Variants in CARF observed in about 807,000 individuals in gnomAD.
CARF encodes calcium responsive transcription factor, also known as calcium-responsive transcription factor.
A neutral mutation model predicts 82.0 loss-of-function variants in CARF; 57 were observed. That is an observed-to-expected ratio of 0.70 (90% confidence interval 0.56 to 0.87). CARF has a LOEUF of 0.87. Among genes scored for constraint, CARF ranks in the 40% least tolerant of loss-of-function variants. The pLI, the probability that CARF is intolerant of heterozygous loss-of-function variation, is 0.00. For missense variants in CARF, 771 were observed against 855.8 expected (o/e 0.90, Z 1.24); for synonymous variants, 268 against 290.1 (o/e 0.92, Z 0.77).
chr2:202,964,900 TACAC>T (rs1553568430), intron 9 of CARF, among the ~76,000 whole-genome samples: 1 of 146,034 alleles, frequency 6.8e-6, no homozygotes, highest in Admixed American at 6.8e-5. Context: ...TATATATATA[TACAC>T]ACACACACAT....
chr2:202,955,179 A>G (rs1225675328), intron 7 of CARF, among the ~76,000 whole-genome samples: 1 of 152,198 alleles, frequency 6.6e-6, no homozygotes, highest in East Asian at 1.9e-4. Context: ...TTAGGGAAAT[A>G]TGTACATGGC....
chr2:202,919,716 A>G (rs1487828582), intron 2 of CARF, among the ~76,000 whole-genome samples: 1 of 152,222 alleles, frequency 6.6e-6, no homozygotes, highest in Non-Finnish European at 1.5e-5. Context: ...TTTTTGACTA[A>G]TAAAGGCAGA....
At chr2:202,921,227 T>G (rs1690734969) in intron 2 of CARF, among the ~76,000 whole-genome samples, 1 of 152,156 alleles carries the variant, frequency 6.6e-6, no homozygotes, top group Non-Finnish European at 1.5e-5. Context: ...GGTCTTGACC[T>G]CCTGACTTTG....
chr2:202,967,343 CT>C (rs368170619), intron 10 of CARF, among the ~76,000 whole-genome samples: 113 of 152,254 alleles, frequency 7.4e-4, no homozygotes, highest in African/African-American at 2.3e-3. Context: ...TTCTTTACCC[CT>C]ATAAATGTTG....
At chr2:202,981,291 G>A (rs185374208) in intron 14 of CARF, among the ~76,000 whole-genome samples, 2 of 152,254 alleles carry the variant, frequency 1.3e-5, no homozygotes, top group East Asian at 1.9e-4. Flanking sequence ...GATCTAACAC[G>A]AGGTAGAGCT....
At chr2:202,916,379 C>G (rs1689662278) in intron 1 of CARF, among the ~76,000 whole-genome samples, 1 of 151,810 alleles carries the variant, frequency 6.6e-6, no homozygotes, top group African/African-American at 2.4e-5. Flanking sequence ...GATGGGGTTT[C>G]ACCACGTTGG....
At chr2:202,960,638 G>A (rs771309777) in intron 8 of CARF, among the ~76,000 whole-genome samples, 50 of 152,212 alleles carry the variant, frequency 3.3e-4, no homozygotes, top group Non-Finnish European at 6.5e-4. Flanking sequence ...TTTTCATTGG[G>A]TTTCTAACAG....
chr2:202,921,857 ACT>A (rs1690865057), intron 2 of CARF, among the ~76,000 whole-genome samples: 2 of 151,906 alleles, frequency 1.3e-5, no homozygotes, highest in South Asian at 4.1e-4. Context: ...ATGGGGTCTC[ACT>A]CTGTCACCCA....
At chr2:202,944,800 T>TA (rs2105814476) in intron 5 of CARF, among the ~76,000 whole-genome samples, 1 of 29,834 alleles carries the variant, frequency 3.4e-5, no homozygotes, top group African/African-American at 5.6e-5. Flanking sequence ...GTGTTTTTTT[T>TA]TTTCCAAAGG....
At chr2:202,968,141 C>A (rs914959228) in intron 10 of CARF, among the ~76,000 whole-genome samples, 2 of 152,116 alleles carry the variant, frequency 1.3e-5, no homozygotes, top group Admixed American at 1.3e-4. Context: ...TGGTGGCTAA[C>A]GCCTGTAATC....
chr2:202,983,992 T>C lies in CARF; in HGVS notation c.*368T>C, dbSNP rs1333361638. On this transcript the variant is annotated 3_prime_UTR_variant, in exon 17 of 17. Transcript: ENST00000438828. ...AAAAGAACAACAGCAACAAAAACAT[T>C]GTGTGAATGTATGTTTGTATGTGTG... 5.7e-6 allele frequency: 1 copy of C among 174,142 alleles called. No individual in the cohort carries two copies. The highest frequency in any genetic ancestry group is 2.4e-5 in the African/African-American group (1 of 41,780). The allele number at this position is 174,142 out of a possible 1,614,324, so 10.8% of individuals were successfully genotyped here.
In CARF at chr2:202,988,010, A is replaced by G. The variant is rs1013584096; in HGVS notation, c.*4386A>G. ...CTTGCCACCCCACCATCACCAGACCACTGATCTGCTTTCTTTATGATCAGT... is the reference window on the plus strand; with the variant it reads ...CTTGCCACCCCACCATCACCAGACCGCTGATCTGCTTTCTTTATGATCAGT... On this transcript the variant is annotated 3_prime_UTR_variant, in exon 17 of 17. Transcript: ENST00000438828. 2.0e-5 allele frequency among the ~76,000 whole-genome samples: 3 copies of G among 152,234 alleles called. No homozygotes were observed. The highest frequency in any genetic ancestry group is 2.0e-4 in the Admixed American group (3 of 15,286).
chr2:202,920,619 G>A (rs375962629), intron 2 of CARF, among the ~76,000 whole-genome samples: 6 of 151,706 alleles, frequency 4.0e-5, no homozygotes, highest in East Asian at 1.9e-4. Flanking sequence ...AGCCAAGATC[G>A]CGCCATTGCA....
rs953237291 is a variant in CARF, at chr2:202,921,968, A to G, written c.-162-2329A>G. Among the ~76,000 whole-genome samples the G allele has an allele frequency of 3.3e-5, 5 of 151,634 alleles. No homozygotes were observed. The East Asian group carries it at 7.7e-4, about 24-fold the overall frequency. On this transcript the variant is annotated intron_variant, in intron 2 of 16. Coordinates refer to ENST00000438828, the MANE Select transcript of CARF (RefSeq NM_024744.17). ...AGCTTCCCAAGAAGCTATGGGGACTATAGGCACTCACCACCATGCCTGGCT... is the reference window on the plus strand; with the variant it reads ...AGCTTCCCAAGAAGCTATGGGGACTGTAGGCACTCACCACCATGCCTGGCT...
intron 3 of CARF, among the ~76,000 whole-genome samples, chr2:202,939,566 C>T (rs72926772): frequency 0.089 from 13,537 of 151,516 alleles, 736 homozygotes; most frequent in Non-Finnish European, 0.12. Context: ...CTTTGTCATA[C>T]ATTTTATGTT....
At position 202,952,610 on chromosome 2, in the gene CARF, C is replaced by G; in HGVS notation, c.358C>G (p.Pro120Ala). 6.2e-7 allele frequency: 1 copy of G among 1,613,626 alleles called. No individual in the cohort carries two copies. The highest frequency in any genetic ancestry group is 8.5e-7 in the Non-Finnish European group (1 of 1,179,850). Residue 120 changes from proline to alanine, a missense_variant, in exon 6 of 17, where the codon CCT becomes GCT. Physicochemically the swap from Pro to Ala is conservative, Grantham distance 27. Coordinates refer to ENST00000438828, the MANE Select transcript of CARF (RefSeq NM_024744.17). ...TGGACAGGTACTTCGTGTAATTCCA[C>G]CTACCCAGACAGGAATGGCACAAGT... ...ENGQVLRVIPPTQTGMAQVII... is the reference protein window; with the variant it reads ...ENGQVLRVIPATQTGMAQVII...
chr2:202,947,034 T>C (rs1242138842), intron 5 of CARF, among the ~76,000 whole-genome samples: 1 of 152,204 alleles, frequency 6.6e-6, no homozygotes, highest in Admixed American at 6.5e-5. Flanking sequence ...GGTGGTAGTG[T>C]AAATTAGTTT....
chr2:202,955,722 T>C lies in CARF; in HGVS notation c.606T>C (p.Asn202=). The change falls in exon 8 of 17, where the codon AAT becomes AAC. Residue 202 remains asparagine, a synonymous_variant. Coordinates refer to ENST00000438828, the MANE Select transcript of CARF (RefSeq NM_024744.17). ...LLGPLQPLSS[N]TPIWACRLRS... ...GGCCTCTTCAGCCACTTTCTTCTAATACACCTATATGGGCCTGCCGTCTTA... is the reference window on the plus strand; with the variant it reads ...GGCCTCTTCAGCCACTTTCTTCTAACACACCTATATGGGCCTGCCGTCTTA... 6.2e-7 allele frequency: 1 copy of C among 1,612,538 alleles called. No homozygotes were observed. The highest frequency in any genetic ancestry group is 8.5e-7 in the Non-Finnish European group (1 of 1,179,118).
intron 7 of CARF, among the ~76,000 whole-genome samples, chr2:202,955,045 A>C (rs1341459356): frequency 6.6e-6 from 1 of 152,000 alleles, no homozygotes; most frequent in Non-Finnish European, 1.5e-5. Context: ...ATAGTTCCTA[A>C]ATTTTTAAAT....
Sources: gnomAD v4.1 joint callset for allele counts (sites outside exome capture counted in the v4.1 genomes callset) on GRCh38, gnomAD v4.1.1 for gene constraint, MANE v1.5 for transcripts, NCBI Gene and HGNC (gene_info 2026-07-23, HGNC 2026-07-21) for gene names.